Variants in PNPLA5 observed in about 807,000 individuals in gnomAD.
The protein encoded by PNPLA5 is patatin-like phospholipase domain-containing protein 5.
PNPLA5 carries 44 observed loss-of-function variants against 49.1 expected under a neutral mutation model. The ratio of observed to expected loss-of-function variants is 0.90; its 90% CI spans 0.70 to 1.15. The LOEUF is 1.15. Ranked by LOEUF, PNPLA5 falls within the 50% of genes most tolerant of loss-of-function variation. The pLI is 0.00. For synonymous variants in PNPLA5, 243 were observed against 244.4 expected, an observed-to-expected ratio of 0.99 and a Z score of 0.06; for missense variants, 603 against 564.0, an observed-to-expected ratio of 1.07 and a Z score of -0.70.
intron 5 of PNPLA5, 122 bp from the exon 6 acceptor site, chr22:43,886,610 C>A: frequency 6.9e-7 from 1 of 1,452,820 alleles, no homozygotes; most frequent in Non-Finnish European, 9.0e-7. Flanking sequence ...TGGGACGGAC[C>A]CACAGCTTAT....
chr22:43,884,639 C>T (rs2049643824), intron 6 of PNPLA5, among the ~76,000 whole-genome samples: 2 of 152,206 alleles, frequency 1.3e-5, no homozygotes, highest in Admixed American at 1.3e-4. Context: ...CTTGAGGACT[C>T]TCAGGCTCCT....
chr22:43,880,833 G>A lies in PNPLA5; in HGVS notation c.1252C>T (p.Pro418Ser), dbSNP rs1252306517. 2 of 1,341,218 alleles carry A rather than the reference G, an allele frequency of 1.5e-6. No individual in the cohort carries two copies. Among genetic ancestry groups the A allele is most frequent in the African/African-American group, 1.5e-5 (1 of 66,526 alleles). The allele number at this position is 1,341,218 out of a possible 1,614,324, so 83.1% of individuals were successfully genotyped here. Residue 418 changes from proline (P) to serine (S), a missense_variant, in exon 9 of 9, where the codon CCT becomes TCT. Transcript: ENST00000216177. ...ETSPLQPQIA[P>S]HREELGPTHQ... Reference sequence around the variant, plus strand: ...GTGGGCCCGAGCTCCTCTCTATGAGGAGCTATCTGGGGTTGGAGGGGGCTT... The same window carrying A: ...GTGGGCCCGAGCTCCTCTCTATGAGAAGCTATCTGGGGTTGGAGGGGGCTT...
Position 43,880,948 on chromosome 22 carries a change from G to T in PNPLA5, c.1200-63C>A, listed in dbSNP as rs1384881851. On this transcript the variant is annotated intron_variant, in intron 8 of 8. Coordinates refer to ENST00000216177, the MANE Select transcript of PNPLA5 (RefSeq NM_138814.4). ...GCTCGGGAAGGGTAGGTGAAACCAC[G>T]TGGGTGCAGGCGCAGCCACAGTGAA... is the stretch of plus-strand genomic sequence containing the variant. The T allele has an allele frequency of 1.1e-5, 14 of 1,289,236 alleles. No individual in the cohort carries two copies. The African/African-American group carries it at 1.2e-4, about 11-fold the overall frequency. The allele number at this position is 1,289,236 out of a possible 1,614,324, so 79.9% of individuals were successfully genotyped here. A position where few individuals can be genotyped will look rare whatever the true frequency, so the allele number is the denominator to read the frequency against.
rs1180296114 is a variant in PNPLA5, at chr22:43,886,319, T to A, written c.933A>T (p.Ser311=). ...AGTCCCTACCAGCCTCCAGCTCTGG[T>A]GAGAGCTGCTCAAAGTTGGGTACAT... is the stretch of plus-strand genomic sequence containing the variant. ...VKDVPNFEQL[S]PELEAALKKA... Residue 311 remains serine, a synonymous_variant, in exon 6 of 9, where the codon TCA becomes TCT. Transcript: ENST00000216177. The A allele has an allele frequency of 6.2e-7, 1 of 1,613,542 alleles. No individual in the cohort carries two copies. Among genetic ancestry groups the A allele is most frequent in the South Asian group, 1.1e-5 (1 of 90,972 alleles).
chr22:43,882,894 C>T (rs1043622368), intron 7 of PNPLA5, among the ~76,000 whole-genome samples: 1 of 152,182 alleles, frequency 6.6e-6, no homozygotes, highest in Non-Finnish European at 1.5e-5. Context: ...CCCCCCATGA[C>T]ACCTCCCTGC....
At chr22:43,887,503 G>A in intron 5 of PNPLA5, 88 bp downstream of exon 5, 1 of 1,468,684 alleles carries the variant, frequency 6.8e-7, no homozygotes, top group East Asian at 2.4e-5. Flanking sequence ...GTTAGCCCAT[G>A]TCCCTAGCAG....
In PNPLA5 at chr22:43,879,867, T is replaced by A. The variant is rs2049591137; in HGVS notation, c.*928A>T. The stretch of plus-strand genomic sequence containing the variant: ...ACCATGCCCAGCTAAGTTTTTATTA[T>A]TTTTTTTAGAGACAGGGTCTTGCTA... On this transcript the variant is annotated 3_prime_UTR_variant, in exon 9 of 9. Transcript: ENST00000216177. The A allele has an allele frequency of 1.3e-5, 2 of 152,096 alleles. No homozygotes were observed. The highest frequency in any genetic ancestry group is 4.8e-5 in the African/African-American group (2 of 41,490). The allele number at this position is 152,096 out of a possible 1,614,324, so 9.4% of individuals were successfully genotyped here.
At position 43,880,097 on chromosome 22, in the gene PNPLA5, C is replaced by A; in HGVS notation, c.*698G>T. 1 of 238,002 alleles carries A rather than the reference C, an allele frequency of 4.2e-6. No homozygotes were observed. Among genetic ancestry groups the A allele is most frequent in the Non-Finnish European group, 8.0e-6 (1 of 124,412 alleles). The allele number at this position is 238,002 out of a possible 1,614,324, so 14.7% of individuals were successfully genotyped here. On this transcript the variant is annotated 3_prime_UTR_variant, in exon 9 of 9. Coordinates refer to ENST00000216177, the MANE Select transcript of PNPLA5 (RefSeq NM_138814.4). ...TGGAGAGGCCAGAGGCCTGGTGTCC[C>A]TGGCATCCTCTCTGCCCCAGGTACA... is the stretch of plus-strand genomic sequence containing the variant.
chr22:43,884,590 C>A (rs981236463), intron 6 of PNPLA5, among the ~76,000 whole-genome samples: 1 of 152,152 alleles, frequency 6.6e-6, no homozygotes, highest in Non-Finnish European at 1.5e-5. Flanking sequence ...AGTGACTTGC[C>A]TAAGGACCAT....
In PNPLA5 at chr22:43,887,598, C is replaced by T; in HGVS notation, c.756G>A (p.Glu252=). The change falls in exon 5 of 9, where the codon GAG becomes GAA. Residue 252 remains glutamate (E), a synonymous_variant. Transcript: ENST00000216177. ...QGYLDALRFL[E]RRGLTKEPVL... is the part of the protein sequence containing the mutation. ...TGTGGGACTGCCACCTACCACGTCT[C>T]TCCAGGAACCTCAGGGCATCCAGGT... 6.2e-7 allele frequency: 1 copy of T among 1,610,430 alleles called. No individual in the cohort carries two copies. The highest frequency in any genetic ancestry group is 8.5e-7 in the Non-Finnish European group (1 of 1,178,298).
intron 6 of PNPLA5, among the ~76,000 whole-genome samples, chr22:43,884,849 G>A (rs2049646023): frequency 1.3e-5 from 2 of 152,206 alleles, no homozygotes; most frequent in Admixed American, 1.3e-4. Context: ...ATCTGGGCTG[G>A]GACAGAGCCG....
chr22:43,887,545 C>T (rs201956148), intron 5 of PNPLA5, 46 bp downstream of exon 5: 32 of 1,592,468 alleles, frequency 2.0e-5, no homozygotes, highest in Non-Finnish European at 2.7e-5. Flanking sequence ...GTCTACCTGG[C>T]ACCATGTGGG....
chr22:43,887,059 A>C (rs2148328549), intron 5 of PNPLA5, among the ~76,000 whole-genome samples: 1 of 141,758 alleles, frequency 7.1e-6, no homozygotes, highest in South Asian at 2.6e-4. Flanking sequence ...TGGCACACCC[A>C]CTGCCCCATG....
rs1232435785 is a variant in PNPLA5, at chr22:43,891,089, G to T, written c.399C>A (p.Asp133Glu). ...WPDGRNFLVT[D>E]FATCDELIQA... is the part of the protein sequence containing the mutation. ...GGATGAGCTCATCGCAGGTGGCGAA[G>T]TCAGTGACCAAGAAGTTGCGTCCGT... is the stretch of plus-strand genomic sequence containing the variant. Residue 133 changes from aspartate (D) to glutamate (E), a missense_variant, in exon 2 of 9, where the codon GAC becomes GAA. Transcript: ENST00000216177. 6.2e-7 allele frequency: 1 copy of T among 1,611,226 alleles called. No homozygotes were observed. Among genetic ancestry groups the T allele is most frequent in the South Asian group, 1.1e-5 (1 of 90,660 alleles).
chr22:43,891,386 C>T, intron 1 of PNPLA5, 92 bp from the exon 2 acceptor site: 3 of 1,439,576 alleles, frequency 2.1e-6, no homozygotes, highest in Non-Finnish European at 1.8e-6. Flanking sequence ...GCAGTGGGAG[C>T]GGGGTCCTCC....
At chr22:43,890,302 G>A (rs866943351) in intron 2 of PNPLA5, among the ~76,000 whole-genome samples, 30 of 152,198 alleles carry the variant, frequency 2.0e-4, no homozygotes, top group African/African-American at 6.5e-4. Flanking sequence ...ACCTCCCAGA[G>A]AGAGTTGGGA....
chr22:43,886,505 G>A lies in PNPLA5; in HGVS notation c.764-17C>T. 6.2e-7 allele frequency: 1 copy of A among 1,602,066 alleles called. No individual in the cohort carries two copies. The highest frequency in any genetic ancestry group is 2.2e-5 in the East Asian group (1 of 44,662). On this transcript the variant is annotated splice_polypyrimidine_tract_variant and intron_variant, in intron 5 of 8. Transcript: ENST00000216177. ...TGGTGAGTCCTGGGTCAGGGGAAGG[G>A]AGAGGATAAGTCAAGCATCTGAGCC...
Position 43,880,812 on chromosome 22 carries a change from G to C in PNPLA5, c.1273C>G (p.Pro425Ala), listed in dbSNP as rs1415323402. ...CGGCCCCCTCAGGCCTGGTGGGTGG[G>C]CCCGAGCTCCTCTCTATGAGGAGCT... The part of the protein sequence containing the change: ...QIAPHREELG[P>A]THQA Residue 425 changes from proline to alanine, a missense_variant, in exon 9 of 9, where the codon CCC becomes GCC. Pro to Ala is a conservative substitution (Grantham distance 27, BLOSUM62 -1). Transcript: ENST00000216177. 7.5e-7 allele frequency: 1 copy of C among 1,340,074 alleles called. No individual in the cohort carries two copies. The highest frequency in any genetic ancestry group is 2.8e-5 in the East Asian group (1 of 35,680). The allele number at this position is 1,340,074 out of a possible 1,614,324, so 83.0% of individuals were successfully genotyped here.
In PNPLA5 at chr22:43,887,581, T is replaced by C; in HGVS notation, c.763+10A>G. The C allele has an allele frequency of 6.2e-7, 1 of 1,609,980 alleles. No individual in the cohort carries two copies. The highest frequency in any genetic ancestry group is 8.5e-7 in the Non-Finnish European group (1 of 1,178,072). ...ACATGATCCCCAGCCACTGTGGGAC[T>C]GCCACCTACCACGTCTCTCCAGGAA... On this transcript the variant is annotated intron_variant, in intron 5 of 8. Transcript: ENST00000216177.
Sources: allele counts gnomAD v4.1 joint callset (sites outside exome capture counted in the v4.1 genomes callset), GRCh38; gene constraint gnomAD v4.1.1; transcripts MANE v1.5; gene names NCBI Gene and HGNC (gene_info 2026-07-23, HGNC 2026-07-21).